The following SORCS2 variants were observed in gnomAD, a reference collection of about 807,000 sequenced individuals.
SORCS2 encodes the protein sortilin related VPS10 domain containing receptor 2, also known as VPS10 domain-containing receptor SorCS2.
SORCS2 carries 100 observed loss-of-function variants against 141.6 expected under a neutral mutation model. The ratio of observed to expected loss-of-function variants is 0.71; its 90% CI spans 0.60 to 0.83. The LOEUF (loss-of-function observed/expected upper bound fraction) is 0.83, where lower values mean the gene tolerates loss of function less well. SORCS2 is among the 40% of genes least tolerant of loss of function. SORCS2 has a pLI of 0.00. For synonymous variants in SORCS2, 789 were observed against 676.9 expected, an observed-to-expected ratio of 1.17 and a Z score of -2.57; for missense variants, 1,646 against 1,560.2, an observed-to-expected ratio of 1.05 and a Z score of -0.93.
intron 1 of SORCS2, among the ~76,000 whole-genome samples, chr4:7,350,825 C>T (rs1404087257): frequency 6.6e-6 from 1 of 152,204 alleles, no homozygotes; most frequent in Admixed American, 6.5e-5. Context: ...CTTGGAGAGT[C>T]TGGCTCACTT....
chr4:7,391,053 C>T (rs1723827485), intron 1 of SORCS2, among the ~76,000 whole-genome samples: 1 of 152,186 alleles, frequency 6.6e-6, no homozygotes, highest in Middle Eastern at 3.4e-3. Flanking sequence ...ATGGGGAGAC[C>T]CTCCCGCAGT....
intron 2 of SORCS2, among the ~76,000 whole-genome samples, chr4:7,440,643 C>G (rs1727604247): frequency 6.6e-6 from 1 of 152,210 alleles, no homozygotes; most frequent in South Asian, 2.1e-4. Flanking sequence ...ACCATCTTAC[C>G]TGTCTCCCAT....
intron 2 of SORCS2, among the ~76,000 whole-genome samples, chr4:7,467,895 G>A (rs1009229586): frequency 2.0e-5 from 3 of 152,248 alleles, no homozygotes. Context: ...GGAGGCTCAA[G>A]CCCCTTGGCC....
At chr4:7,354,328 C>T (rs1293841821) in intron 1 of SORCS2, among the ~76,000 whole-genome samples, 1 of 152,128 alleles carries the variant, frequency 6.6e-6, no homozygotes, top group African/African-American at 2.4e-5. Context: ...CCAGCGCTGC[C>T]TTCCGGCTCC....
intron 3 of SORCS2, among the ~76,000 whole-genome samples, chr4:7,588,444 T>C (rs1278194779): frequency 6.6e-6 from 1 of 152,138 alleles, no homozygotes; most frequent in African/African-American, 2.4e-5. Flanking sequence ...CAAGGCCACG[T>C]TGGAGGAGGA....
chr4:7,607,968 G>A (rs1306025022), intron 3 of SORCS2, among the ~76,000 whole-genome samples: 1 of 152,090 alleles, frequency 6.6e-6, no homozygotes, highest in African/African-American at 2.4e-5. Flanking sequence ...TTGGGCTCTC[G>A]CAGAAGCAGA....
At chr4:7,474,878 G>A (rs1011390650) in intron 2 of SORCS2, among the ~76,000 whole-genome samples, 9 of 152,304 alleles carry the variant, frequency 5.9e-5, no homozygotes, top group South Asian at 4.1e-4. Flanking sequence ...CTCCTGGGGA[G>A]TTCCCTTCTG....
At chr4:7,457,241 G>A (rs1430747225) in intron 2 of SORCS2, among the ~76,000 whole-genome samples, 1 of 152,214 alleles carries the variant, frequency 6.6e-6, no homozygotes, top group African/African-American at 2.4e-5. Context: ...CTGAATCCCA[G>A]CCTGTCATCT....
At chr4:7,294,178 G>A (rs1359007996) in intron 1 of SORCS2, among the ~76,000 whole-genome samples, 1 of 152,178 alleles carries the variant, frequency 6.6e-6, no homozygotes, top group African/African-American at 2.4e-5. Context: ...CACCGGTGAT[G>A]CCTGGCAATT....
chr4:7,737,064 A>G lies in SORCS2; in HGVS notation c.3312-5A>G, dbSNP rs982948871. The G allele has an allele frequency of 1.3e-6, 2 of 1,551,084 alleles. No homozygotes were observed. The highest frequency in any genetic ancestry group is 8.7e-7 in the Non-Finnish European group (1 of 1,146,888). On this transcript the variant is annotated splice_region_variant and splice_polypyrimidine_tract_variant and intron_variant, in intron 25 of 26. Transcript: ENST00000507866. ...AGCTGAGCCGCCCTTGCCTCTGTCC[A>G]GCAGGAAACGGCCAGGCAGGACCGT...
At chr4:7,682,365 G>T (rs1281018848) in intron 9 of SORCS2, among the ~76,000 whole-genome samples, 1 of 152,166 alleles carries the variant, frequency 6.6e-6, no homozygotes, top group Admixed American at 6.5e-5. Flanking sequence ...GCACTGGGAG[G>T]ATCTGAGCTC....
rs185236942 is a variant in SORCS2, at chr4:7,421,723, G to A, written c.548+25368G>A. 3.7e-4 allele frequency among the ~76,000 whole-genome samples: 57 copies of A among 152,228 alleles called. No individual in the cohort carries two copies. In the East Asian group the frequency reaches 0.01, roughly 28 times the overall value. On this transcript the variant is annotated intron_variant, in intron 2 of 26. Coordinates refer to ENST00000507866, the MANE Select transcript of SORCS2 (RefSeq NM_020777.3). ...CTCGGCCCTGGGGTCTGGAGCCCCCGCTGGCTCTGTGGGACGGCCACTGCG... is the reference window on the plus strand; with the variant it reads ...CTCGGCCCTGGGGTCTGGAGCCCCCACTGGCTCTGTGGGACGGCCACTGCG...
At chr4:7,483,921 C>A (rs1730815013) in intron 2 of SORCS2, among the ~76,000 whole-genome samples, 1 of 152,126 alleles carries the variant, frequency 6.6e-6, no homozygotes, top group Non-Finnish European at 1.5e-5. Context: ...AAAAAACAAA[C>A]AAACAAAAAA....
chr4:7,280,475 G>T lies in SORCS2; in HGVS notation c.480+87349G>T, dbSNP rs139400369. ...AACCATGGCAGGGTGGGCATTTGGG[G>T]AGCCCATCTCTTTTACTTCTTGCAG... On this transcript the variant is annotated intron_variant, in intron 1 of 26. Coordinates refer to ENST00000507866, the MANE Select transcript of SORCS2 (RefSeq NM_020777.3). Among the ~76,000 whole-genome samples the T allele has an allele frequency of 7.6e-3, 1,158 of 152,150 alleles. 13 individuals are homozygous for T. The highest frequency in any genetic ancestry group is 0.025 in the African/African-American group (1,037 of 41,494).
At chr4:7,625,765 G>C (rs568961007) in intron 3 of SORCS2, among the ~76,000 whole-genome samples, 1 of 151,954 alleles carries the variant, frequency 6.6e-6, no homozygotes, top group Admixed American at 6.6e-5. Flanking sequence ...GAGGGAGGGA[G>C]GGAAGAAAGA....
At chr4:7,530,843 C>G (rs1416951944) in intron 2 of SORCS2, among the ~76,000 whole-genome samples, 1 of 152,196 alleles carries the variant, frequency 6.6e-6, no homozygotes, top group East Asian at 1.9e-4. Context: ...GGGCCTTGCC[C>G]AAGGAGGTAC....
chr4:7,297,688 G>A (rs749211791), intron 1 of SORCS2, among the ~76,000 whole-genome samples: 2 of 152,216 alleles, frequency 1.3e-5, no homozygotes, highest in East Asian at 3.9e-4. Context: ...AACCTGAGAC[G>A]AAAGAGCTGC....
chr4:7,399,342 A>G (rs1643912037), intron 2 of SORCS2, among the ~76,000 whole-genome samples: 1 of 152,150 alleles, frequency 6.6e-6, no homozygotes, highest in Non-Finnish European at 1.5e-5. Flanking sequence ...TAAAGACACA[A>G]TTAATGAATG....
chr4:7,606,329 CTG>C (rs1202953479), intron 3 of SORCS2, among the ~76,000 whole-genome samples: 5 of 152,114 alleles, frequency 3.3e-5, no homozygotes, highest in Non-Finnish European at 7.4e-5. Flanking sequence ...ACCCATTTGA[CTG>C]TGGATTGCAT....
Sources: allele counts gnomAD v4.1 joint callset (sites outside exome capture counted in the v4.1 genomes callset), GRCh38; gene constraint gnomAD v4.1.1; transcripts MANE v1.5; gene names NCBI Gene and HGNC (gene_info 2026-07-23, HGNC 2026-07-21).